PCSK5: variants seen among roughly 807,000 people sequenced by gnomAD.
PCSK5 encodes prohormone convertase 5.
A neutral mutation model predicts 233.2 loss-of-function variants in PCSK5; 129 were observed. The observed-to-expected ratio is 0.55, with a 90% CI of 0.48 to 0.64. The LOEUF (loss-of-function observed/expected upper bound fraction) is 0.64. Among genes scored for constraint, PCSK5 ranks in the 30% least tolerant of loss-of-function variants. The pLI is 0.00. For missense variants in PCSK5, 2,076 were observed against 2,430.1 expected, an observed-to-expected ratio of 0.85 and a Z score of 3.06; for synonymous variants, 825 against 879.2, an observed-to-expected ratio of 0.94 and a Z score of 1.09.
chr9:76,359,031 G>T lies in PCSK5; in HGVS notation c.*109G>T. On this transcript the variant is annotated 3_prime_UTR_variant, in exon 38 of 38. Transcript: ENST00000674117. The stretch of plus-strand genomic sequence containing the variant: ...GGCTGATGTGTGAGTTTTTCTATTT[G>T]TCTTCTTTAACCATGAGTCCAACCA... 1 of 856,176 alleles carries T rather than the reference G, an allele frequency of 1.2e-6. No homozygotes were observed. The allele number at this position is 856,176 out of a possible 1,614,324, so 53.0% of individuals were successfully genotyped here.
intron 7 of PCSK5, among the ~76,000 whole-genome samples, chr9:76,076,203 C>T (rs796572851): frequency 1.7e-4 from 26 of 152,016 alleles, no homozygotes; most frequent in African/African-American, 6.0e-4. Context: ...TTCCAGAACA[C>T]AATACTAATG....
intron 11 of PCSK5, 27 bp downstream of exon 11, chr9:76,157,189 T>A: frequency 2.0e-6 from 3 of 1,474,146 alleles, no homozygotes; most frequent in Non-Finnish European, 2.8e-6. Flanking sequence ...GCAAACAGCA[T>A]GACAATGCCC....
chr9:76,010,386 A>G (rs1056604569), intron 3 of PCSK5, among the ~76,000 whole-genome samples: 1 of 152,218 alleles, frequency 6.6e-6, no homozygotes, highest in African/African-American at 2.4e-5. Context: ...AGGAATTTAT[A>G]GGTTAAACAC....
intron 20 of PCSK5, among the ~76,000 whole-genome samples, chr9:76,212,343 T>C (rs1166356194): frequency 6.6e-6 from 1 of 152,198 alleles, no homozygotes; most frequent in Non-Finnish European, 1.5e-5. Context: ...TCAACTCTTG[T>C]TATATGGGTT....
intron 21 of PCSK5, among the ~76,000 whole-genome samples, chr9:76,232,832 C>G (rs1017769448): frequency 6.6e-6 from 1 of 152,144 alleles, no homozygotes; most frequent in African/African-American, 2.4e-5. Context: ...CTGTAATGCC[C>G]TTTGTAGGTG....
intron 2 of PCSK5, among the ~76,000 whole-genome samples, chr9:75,972,843 T>A (rs1258326150): frequency 6.6e-6 from 1 of 152,202 alleles, no homozygotes; most frequent in African/African-American, 2.4e-5. Flanking sequence ...AGTAAAGTGT[T>A]TGAATGGCGT....
chr9:76,166,232 T>C (rs1394303011), intron 12 of PCSK5, among the ~76,000 whole-genome samples: 2 of 152,192 alleles, frequency 1.3e-5, no homozygotes, highest in South Asian at 2.1e-4. Context: ...TCAACTCTTA[T>C]ATTCACATGA....
chr9:76,134,521 A>G (rs1381869822), intron 10 of PCSK5, among the ~76,000 whole-genome samples: 1 of 151,982 alleles, frequency 6.6e-6, no homozygotes, highest in Non-Finnish European at 1.5e-5. Flanking sequence ...TATCTAAGTA[A>G]TATTTATAAT....
intron 5 of PCSK5, among the ~76,000 whole-genome samples, chr9:76,037,682 A>G (rs1330568736): frequency 6.6e-6 from 1 of 152,168 alleles, no homozygotes. Context: ...CTGTAGGAGG[A>G]AAAGACTGAG....
At chr9:76,301,709 C>T (rs749255324) in intron 27 of PCSK5, among the ~76,000 whole-genome samples, 18 of 152,016 alleles carry the variant, frequency 1.2e-4, no homozygotes, top group East Asian at 1.9e-4. Context: ...CCAGGCATGG[C>T]GGTGCTTGCC....
chr9:76,024,953 G>T (rs1208980845), intron 4 of PCSK5, among the ~76,000 whole-genome samples: 1 of 152,102 alleles, frequency 6.6e-6, no homozygotes, highest in East Asian at 1.9e-4. Flanking sequence ...TTATCATTTT[G>T]GTTGGTCCTC....
intron 2 of PCSK5, among the ~76,000 whole-genome samples, chr9:75,963,440 T>C (rs1378520861): frequency 6.6e-6 from 1 of 152,262 alleles, no homozygotes; most frequent in Non-Finnish European, 1.5e-5. Flanking sequence ...AATCATTTTG[T>C]TGACAGTGTC....
At chr9:76,074,258 AG>A (rs1338619750) in intron 7 of PCSK5, among the ~76,000 whole-genome samples, 1 of 152,240 alleles carries the variant, frequency 6.6e-6, no homozygotes, top group Non-Finnish European at 1.5e-5. Context: ...CCTTAAGAAT[AG>A]AACTCATTTA....
chr9:76,123,140 G>A (rs938240243), intron 9 of PCSK5, among the ~76,000 whole-genome samples: 6 of 151,970 alleles, frequency 3.9e-5, no homozygotes, highest in South Asian at 2.1e-4. Flanking sequence ...CACTGCGCCC[G>A]GCCTACTTTT....
chr9:76,125,710 A>G (rs1832822151), intron 9 of PCSK5, among the ~76,000 whole-genome samples: 1 of 152,172 alleles, frequency 6.6e-6, no homozygotes, highest in Non-Finnish European at 1.5e-5. Context: ...TACAAGAAAA[A>G]AATCCACAAG....
At chr9:76,023,582 A>G (rs1225294546) in intron 3 of PCSK5, among the ~76,000 whole-genome samples, 156 bp from the exon 4 acceptor site, 2 of 152,052 alleles carry the variant, frequency 1.3e-5, no homozygotes, top group Non-Finnish European at 2.9e-5. Flanking sequence ...GAAGGATCCC[A>G]TAAGCCCAGG....
chr9:76,177,021 G>T (rs912588268), intron 14 of PCSK5, among the ~76,000 whole-genome samples: 6 of 152,184 alleles, frequency 3.9e-5, no homozygotes, highest in Admixed American at 3.3e-4. Context: ...CAGGTGCGGT[G>T]GCCCACGCCT....
At chr9:76,232,050 AC>A (rs1388076416) in intron 21 of PCSK5, among the ~76,000 whole-genome samples, 1 of 152,152 alleles carries the variant, frequency 6.6e-6, no homozygotes, top group Non-Finnish European at 1.5e-5. Flanking sequence ...CAAGTGACAT[AC>A]TATTCAGGAT....
intron 6 of PCSK5, 106 bp from the exon 7 acceptor site, chr9:76,071,620 T>G: frequency 4.4e-6 from 4 of 900,402 alleles, no homozygotes; most frequent in Non-Finnish European, 6.8e-6. Context: ...CTCACTTAAG[T>G]GTTGATTAAA....
Sources: allele counts gnomAD v4.1 joint callset (sites outside exome capture counted in the v4.1 genomes callset), GRCh38; gene constraint gnomAD v4.1.1; transcripts MANE v1.5; gene names NCBI Gene and HGNC (gene_info 2026-07-23, HGNC 2026-07-21).